The following ZNF112 variants were observed in gnomAD, a reference collection of about 807,000 sequenced individuals.
The protein encoded by ZNF112 is zinc finger protein 112 (Y14).
A neutral mutation model predicts 77.7 loss-of-function variants in ZNF112; 37 were observed. The observed-to-expected ratio is 0.48, with a 90% confidence interval of 0.37 to 0.63. The LOEUF (loss-of-function observed/expected upper bound fraction) is 0.63, where lower values mean the gene tolerates loss of function less well. ZNF112 is among the 20% of genes least tolerant of loss of function. The pLI is 0.00. For missense variants in ZNF112, 950 were observed against 1,077.4 expected, an observed-to-expected ratio of 0.88 and a Z score of 1.66; for synonymous variants, 333 against 363.6, an observed-to-expected ratio of 0.92 and a Z score of 0.96.
In ZNF112 at chr19:44,328,668, C is replaced by T. The variant is rs1481887235; in HGVS notation, c.1489G>A (p.Gly497Arg). Residue 497 changes from glycine to arginine, a missense_variant, in exon 4 of 4, where the codon GGG (glycine) becomes AGG (arginine). Coordinates refer to ENST00000354340, the MANE Select transcript of ZNF112 (RefSeq NM_013380.4). The part of the protein sequence containing the change: ...HIGEKPRKEH[G>R]NGFNWSSKLK... The stretch of plus-strand genomic sequence containing the variant: ...TTTGAGCTCCAGTTGAAGCCATTCC[C>T]ATGCTCCTTACGTGGTTTCTCTCCA... The T allele has an allele frequency of 6.2e-7, 1 of 1,614,120 alleles. No homozygotes were observed. Among genetic ancestry groups the T allele is most frequent in the Admixed American group, 1.7e-5 (1 of 60,010 alleles).
At position 44,327,460 on chromosome 19, in the gene ZNF112, G is replaced by A. The variant is rs61733038; in HGVS notation, c.2697C>T (p.His899=). 17,142 of 1,609,690 alleles carry A rather than the reference G, an allele frequency of 0.011. 161 individuals are homozygous for A. The highest frequency in any genetic ancestry group is 0.029 in the South Asian group (2,625 of 90,490). Residue 899 remains histidine (H), a synonymous_variant, in exon 4 of 4, where the codon CAC becomes CAT. Coordinates refer to ENST00000354340, the MANE Select transcript of ZNF112 (RefSeq NM_013380.4). ...GKDYPSSENL[H]RNEDSVLF ...AAAACAAAACAGAATCTTCATTTCT[G>A]TGTAGATTCTCTGATGAAGGGTAGT...
chr19:44,334,765 G>A (rs1316432726), intron 3 of ZNF112, among the ~76,000 whole-genome samples: 3 of 152,266 alleles, frequency 2.0e-5, no homozygotes, highest in Admixed American at 6.5e-5. Flanking sequence ...GGCCTGTGGT[G>A]TGCAGAGGGC....
At chr19:44,350,041 A>G (rs1970664235) in intron 1 of ZNF112, among the ~76,000 whole-genome samples, 1 of 152,128 alleles carries the variant, frequency 6.6e-6, no homozygotes, top group South Asian at 2.1e-4. Flanking sequence ...ATATTACCAA[A>G]GAAGGTACAA....
upstream of ZNF112, among the ~76,000 whole-genome samples, chr19:44,358,156 G>A (rs11671288): frequency 2.6e-3 from 343 of 130,290 alleles, no homozygotes; most frequent in East Asian, 4.3e-3. Flanking sequence ...CGTCTCAAAA[G>A]AAAAAAAAAA....
Position 44,347,486 on chromosome 19 carries a change from T to A in ZNF112, c.-3-6944A>T, listed in dbSNP as rs1381453314. 5.1e-5 allele frequency among the ~76,000 whole-genome samples: 3 copies of A among 58,486 alleles called. No individual in the cohort carries two copies. The East Asian group carries it at 1.4e-3, about 27-fold the overall frequency. 38.4% of individuals were successfully genotyped at this position (58,486 alleles called of 152,430 possible). ...CTTTTTCTGCCTTCTTTTGGGTTGATTTTTTTTTTTTTTTTTTTTTACTAT... is the reference window on the plus strand; with the variant it reads ...CTTTTTCTGCCTTCTTTTGGGTTGAATTTTTTTTTTTTTTTTTTTTACTAT... On this transcript the variant is annotated intron_variant, in intron 1 of 3. Coordinates refer to ENST00000354340, the MANE Select transcript of ZNF112 (RefSeq NM_013380.4).
At position 44,328,719 on chromosome 19, in the gene ZNF112, G is replaced by A; in HGVS notation, c.1438C>T (p.Leu480Phe). Reference protein sequence around the residue: ...CSNSFSHNLYLQGHPKIHIGE... With the variant: ...CSNSFSHNLYFQGHPKIHIGE... ...ATGTGAATTTTTGGATGACCTTGAA[G>A]ATATAAATTATGGCTGAAGCTGTTA... Residue 480 changes from leucine to phenylalanine, a missense_variant, in exon 4 of 4, where the codon CTT becomes TTT. Leu to Phe is a conservative substitution (Grantham distance 22). Coordinates refer to ENST00000354340, the MANE Select transcript of ZNF112 (RefSeq NM_013380.4). 6.2e-7 allele frequency: 1 copy of A among 1,614,020 alleles called. No homozygotes were observed. Among genetic ancestry groups the A allele is most frequent in the East Asian group, 2.2e-5 (1 of 44,884 alleles).
chr19:44,343,196 G>A (rs761509304), intron 1 of ZNF112: 3 of 1,593,020 alleles, frequency 1.9e-6, no homozygotes, highest in Non-Finnish European at 2.6e-6. Context: ...AAAAAGATAT[G>A]TCCACTCACT....
intron 1 of ZNF112, among the ~76,000 whole-genome samples, chr19:44,366,255 G>T (rs375255227): frequency 1.3e-5 from 2 of 152,148 alleles, no homozygotes; most frequent in African/African-American, 4.8e-5. Flanking sequence ...GGAGAGGCTT[G>T]AAAGATGTTA....
At chr19:44,334,109 T>C (rs1270558170) in intron 3 of ZNF112, among the ~76,000 whole-genome samples, 1 of 152,172 alleles carries the variant, frequency 6.6e-6, no homozygotes, top group Non-Finnish European at 1.5e-5. Context: ...TATATTTAGA[T>C]ATATTTAGGT....
At chr19:44,358,584 A>G (rs1177660819), upstream of ZNF112, among the ~76,000 whole-genome samples, 2 of 152,188 alleles carry the variant, frequency 1.3e-5, no homozygotes, top group Non-Finnish European at 2.9e-5. Context: ...TGACACCTAT[A>G]TGAAGCTGGG....
Position 44,335,275 on chromosome 19 carries a change from T to C in ZNF112, c.220+1348A>G, listed in dbSNP as rs992944915. Among the ~76,000 whole-genome samples, 8 of 152,224 alleles carry C rather than the reference T, an allele frequency of 5.3e-5. 1 individual carries two copies. The highest frequency in any genetic ancestry group is 1.5e-5 in the Non-Finnish European group (1 of 68,034). ...ATTTCTCCCTTTCAGAATGGGGGCA[T>C]TTACCCAAAGGCTGTAGCCCCATTG... On this transcript the variant is annotated intron_variant, in intron 3 of 3. Coordinates refer to ENST00000354340, the MANE Select transcript of ZNF112 (RefSeq NM_013380.4).
At chr19:44,352,863 G>A (rs1970717622) in intron 1 of ZNF112, among the ~76,000 whole-genome samples, 1 of 152,030 alleles carries the variant, frequency 6.6e-6, no homozygotes, top group East Asian at 1.9e-4. Context: ...ACACTTAAAT[G>A]AAGGGACATG....
intron 3 of ZNF112, among the ~76,000 whole-genome samples, chr19:44,331,853 A>C (rs1970275970): frequency 6.6e-6 from 1 of 152,208 alleles, no homozygotes; most frequent in Non-Finnish European, 1.5e-5. Flanking sequence ...GGAAAGCTGA[A>C]AGGCTATAGG....
chr19:44,361,251 T>C (rs1169876968), upstream of ZNF112, among the ~76,000 whole-genome samples: 1 of 152,192 alleles, frequency 6.6e-6, no homozygotes, highest in South Asian at 2.1e-4. Context: ...GAAAGCATCA[T>C]GATGCTGTGA....
Position 44,327,803 on chromosome 19 carries a change from C to T in ZNF112, c.2354G>A (p.Arg785His), listed in dbSNP as rs564476950. Residue 785 changes from arginine to histidine, a missense_variant, in exon 4 of 4, where the codon CGC (arginine) becomes CAC (histidine). By Grantham distance (29) the Arg-to-His change is conservative. Transcript: ENST00000354340. ...VCTKGFSESS[R>H]LQAHQRVHVE... ...ATGAACCCTTTGGTGTGCTTGAAGG[C>T]GTGAACTCTCACTGAAACCCTTTGT... 7.4e-6 allele frequency: 12 copies of T among 1,613,674 alleles called. No individual in the cohort carries two copies. Among genetic ancestry groups the T allele is most frequent in the African/African-American group, 2.7e-5 (2 of 74,886 alleles).
chr19:44,337,869 ACACACACACC>A (rs1970414745), intron 2 of ZNF112, among the ~76,000 whole-genome samples: 1 of 133,248 alleles, frequency 7.5e-6, no homozygotes, highest in African/African-American at 3.2e-5. Flanking sequence ...ACACACACAC[ACACACACACC>A]CTAGCTCTAT....
At chr19:44,359,114 T>A (rs1280839388), upstream of ZNF112, among the ~76,000 whole-genome samples, 4 of 152,054 alleles carry the variant, frequency 2.6e-5, no homozygotes, top group Admixed American at 2.0e-4. Context: ...AGGGCCCTGC[T>A]TTTGAGCTCA....
intron 3 of ZNF112, among the ~76,000 whole-genome samples, chr19:44,332,379 T>C (rs1304439928): frequency 1.3e-5 from 2 of 152,224 alleles, no homozygotes; most frequent in African/African-American, 2.4e-5. Context: ...TGCATCTTGG[T>C]ACTTTAAAAG....
intron 1 of ZNF112, among the ~76,000 whole-genome samples, chr19:44,341,767 G>T (rs1970494408): frequency 6.6e-6 from 1 of 152,082 alleles, no homozygotes; most frequent in Admixed American, 6.6e-5. Flanking sequence ...ATTCCACTTT[G>T]CTGTCTTGTA....
Sources: allele counts gnomAD v4.1 joint callset (sites outside exome capture counted in the v4.1 genomes callset), GRCh38; gene constraint gnomAD v4.1.1; transcripts MANE v1.5; gene names NCBI Gene and HGNC (gene_info 2026-07-23, HGNC 2026-07-21).